Variants in TAFA2 observed in about 807,000 individuals in gnomAD.
The protein encoded by TAFA2 is TAFA chemokine like family member 2, also known as chemokine-like protein TAFA-2.
TAFA2 carries 7 observed loss-of-function variants against 18.8 expected under a neutral mutation model. The ratio of observed to expected loss-of-function variants is 0.37; its 90% CI spans 0.21 to 0.70. TAFA2 has a LOEUF of 0.70. Among genes scored for constraint, TAFA2 ranks in the 30% least tolerant of loss-of-function variants. The pLI, the probability that TAFA2 is intolerant of heterozygous loss-of-function variation, is 0.53. For synonymous variants in TAFA2, 60 were observed against 54.2 expected (o/e 1.11, Z -0.47); for missense variants, 122 against 158.1 (o/e 0.77, Z 1.23).
At chr12:61,764,226 T>TAGATAGATA (rs1565626031) in intron 2 of TAFA2, among the ~76,000 whole-genome samples, 4 of 30,382 alleles carry the variant, frequency 1.3e-4, no homozygotes, top group East Asian at 2.2e-3. Flanking sequence ...ATTAGATGAT[T>TAGATAGATA]GATTGATAGA....
chr12:62,031,260 T>C (rs1050912170), intron 1 of TAFA2, among the ~76,000 whole-genome samples: 1 of 152,106 alleles, frequency 6.6e-6, no homozygotes, highest in African/African-American at 2.4e-5. Flanking sequence ...AAGAAACTAC[T>C]AGTGCAGAAA....
At chr12:61,847,662 G>GA (rs1454074641) in intron 2 of TAFA2, among the ~76,000 whole-genome samples, 3 of 152,026 alleles carry the variant, frequency 2.0e-5, no homozygotes, top group East Asian at 1.9e-4. Context: ...TTTAGGAAAG[G>GA]AAAAAAAATT....
At chr12:61,749,142 G>T (rs1192734568) in intron 4 of TAFA2, among the ~76,000 whole-genome samples, 3 of 151,836 alleles carry the variant, frequency 2.0e-5, no homozygotes, top group African/African-American at 7.3e-5. Flanking sequence ...GTGTGGTGGG[G>T]CATGCCAGTA....
chr12:61,943,689 G>T (rs2121429338), intron 1 of TAFA2, among the ~76,000 whole-genome samples: 1 of 152,184 alleles, frequency 6.6e-6, no homozygotes, highest in East Asian at 1.9e-4. Context: ...AATCAACAAA[G>T]ATCAGAAGAG....
chr12:61,879,067 G>T (rs150389344), intron 1 of TAFA2, among the ~76,000 whole-genome samples: 1,916 of 152,284 alleles, frequency 0.013, 33 homozygotes, highest in Non-Finnish European at 0.019. Flanking sequence ...CAACGCTTTG[G>T]AAGGCTGAAG....
intron 1 of TAFA2, among the ~76,000 whole-genome samples, chr12:61,955,665 A>ATATATATATATT (rs1200280189): frequency 5.8e-5 from 7 of 120,436 alleles, no homozygotes; most frequent in African/African-American, 2.4e-4. Flanking sequence ...ATATATATAT[A>ATATATATATATT]TATATTTAAT....
intron 2 of TAFA2, among the ~76,000 whole-genome samples, chr12:61,802,719 C>T (rs538306902): frequency 1.3e-5 from 2 of 152,106 alleles, no homozygotes; most frequent in African/African-American, 4.8e-5. Flanking sequence ...TGTACATTTT[C>T]AAATAGCTAG....
intron 1 of TAFA2, among the ~76,000 whole-genome samples, chr12:62,186,204 G>A (rs1428120878): frequency 6.6e-6 from 1 of 152,132 alleles, no homozygotes; most frequent in Non-Finnish European, 1.5e-5. Context: ...GGAGGCCATA[G>A]GCAATTAACA....
intron 2 of TAFA2, among the ~76,000 whole-genome samples, chr12:61,859,680 G>A (rs1280077471): frequency 8.5e-5 from 13 of 152,078 alleles, no homozygotes; most frequent in Non-Finnish European, 1.5e-4. Flanking sequence ...CTGACCTCGT[G>A]ATCCGCCCGC....
chr12:62,115,197 A>G (rs147954132), intron 1 of TAFA2, among the ~76,000 whole-genome samples: 84 of 152,244 alleles, frequency 5.5e-4, no homozygotes, highest in African/African-American at 1.8e-3. Flanking sequence ...CCTGACCAGA[A>G]CAGGTCAGTT....
At chr12:61,818,040 C>T (rs976752509) in intron 2 of TAFA2, among the ~76,000 whole-genome samples, 8 of 152,156 alleles carry the variant, frequency 5.3e-5, no homozygotes, top group Non-Finnish European at 1.0e-4. Context: ...TATCATTCCT[C>T]CTCATAATTC....
At chr12:61,994,982 TG>T (rs1438455403) in intron 1 of TAFA2, among the ~76,000 whole-genome samples, 7 of 152,162 alleles carry the variant, frequency 4.6e-5, no homozygotes, top group Admixed American at 1.3e-4. Context: ...CCACTGCAAC[TG>T]CCCCCTAACT....
At chr12:61,754,538 A>T (rs375773731) in intron 3 of TAFA2, among the ~76,000 whole-genome samples, 7 of 151,734 alleles carry the variant, frequency 4.6e-5, no homozygotes, top group Admixed American at 1.3e-4. Flanking sequence ...TAAATCATCC[A>T]TTTTCATCTT....
chr12:62,130,689 A>G (rs1592354880), intron 1 of TAFA2, among the ~76,000 whole-genome samples: 3 of 151,940 alleles, frequency 2.0e-5, no homozygotes, highest in African/African-American at 7.2e-5. Context: ...ATAGATCTAT[A>G]TTACATGCTC....
chr12:61,880,090 G>T, intron 1 of TAFA2: 1 of 640,760 alleles, frequency 1.6e-6, no homozygotes, highest in South Asian at 1.6e-5. Flanking sequence ...CCCTGGACAT[G>T]GACAACATCA....
At chr12:62,076,684 G>A (rs1321225115) in intron 1 of TAFA2, among the ~76,000 whole-genome samples, 5 of 152,148 alleles carry the variant, frequency 3.3e-5, no homozygotes, top group Non-Finnish European at 1.5e-5. Flanking sequence ...AAACAGAAGG[G>A]AATAAAACAA....
chr12:61,960,641 A>T (rs1878851613), intron 1 of TAFA2, among the ~76,000 whole-genome samples: 1 of 151,956 alleles, frequency 6.6e-6, no homozygotes, highest in Non-Finnish European at 1.5e-5. Context: ...TACCCACATC[A>T]TCATACATTG....
intron 1 of TAFA2, among the ~76,000 whole-genome samples, chr12:62,232,135 G>A (rs2062814254): frequency 6.6e-6 from 1 of 152,046 alleles, no homozygotes; most frequent in Admixed American, 6.6e-5. Flanking sequence ...AATTAATGAA[G>A]TTCATCATTC....
At chr12:61,909,386 G>A (rs1425373192) in intron 1 of TAFA2, among the ~76,000 whole-genome samples, 1 of 152,140 alleles carries the variant, frequency 6.6e-6, no homozygotes, top group East Asian at 1.9e-4. Flanking sequence ...AGACATCTAG[G>A]TTAGGAAATA....
Sources: gnomAD v4.1 joint callset for allele counts (sites outside exome capture counted in the v4.1 genomes callset) on GRCh38, gnomAD v4.1.1 for gene constraint, MANE v1.5 for transcripts, NCBI Gene and HGNC (gene_info 2026-07-23, HGNC 2026-07-21) for gene names.